Variants in ARID1B observed in about 807,000 individuals in gnomAD.
ARID1B encodes the protein AT-rich interaction domain 1B, also known as AT-rich interactive domain-containing protein 1B.
ARID1B carries 30 observed loss-of-function variants against 212.3 expected under a neutral mutation model. That is an observed-to-expected ratio of 0.14 (90% CI 0.11 to 0.19). ARID1B has a LOEUF of 0.19. Among genes scored for constraint, ARID1B ranks in the 10% least tolerant of loss-of-function variants. ARID1B has a pLI of 1.00. For missense variants in ARID1B, 2,891 were observed against 3,204.0 expected, an observed-to-expected ratio of 0.90 and a Z score of 2.36; for synonymous variants, 1,402 against 1,301.7, an observed-to-expected ratio of 1.08 and a Z score of -1.66.
chr6:157,090,883 C>G (rs1445520650), intron 5 of ARID1B, among the ~76,000 whole-genome samples: 3 of 152,200 alleles, frequency 2.0e-5, no homozygotes, highest in African/African-American at 7.2e-5. Flanking sequence ...CCCTCCCCTT[C>G]TCCCTCTCCA....
intron 5 of ARID1B, among the ~76,000 whole-genome samples, chr6:157,095,478 GT>G (rs1785554275): frequency 6.6e-6 from 1 of 152,212 alleles, no homozygotes; most frequent in African/African-American, 2.4e-5. Flanking sequence ...AAGAAGAAAT[GT>G]TTCTAGAATA....
intron 4 of ARID1B, among the ~76,000 whole-genome samples, chr6:156,986,056 G>A (rs564469153): frequency 5.8e-5 from 8 of 137,760 alleles, no homozygotes; most frequent in Non-Finnish European, 1.1e-4. Flanking sequence ...TCCTTTACTT[G>A]GAAGGCTTTT....
intron 2 of ARID1B, among the ~76,000 whole-genome samples, chr6:156,896,437 G>A (rs1168993267): frequency 2.0e-5 from 3 of 151,614 alleles, no homozygotes; most frequent in South Asian, 2.1e-4. Flanking sequence ...TTAGCTGGTC[G>A]TGGTGGCCCG....
At chr6:157,000,307 C>T (rs137938755) in intron 4 of ARID1B, among the ~76,000 whole-genome samples, 1 of 152,254 alleles carries the variant, frequency 6.6e-6, no homozygotes, top group African/African-American at 2.4e-5. Flanking sequence ...CCAGAAAAAT[C>T]ACTGTGAACC....
intron 4 of ARID1B, among the ~76,000 whole-genome samples, chr6:156,988,795 C>T (rs968438741): frequency 6.6e-6 from 1 of 152,174 alleles, no homozygotes; most frequent in South Asian, 2.1e-4. Context: ...CGTTTTACTG[C>T]CTTCTTCCTA....
At chr6:157,167,517 G>C (rs998173906) in intron 9 of ARID1B, 12 of 184,908 alleles carry the variant, frequency 6.5e-5, no homozygotes, top group Non-Finnish European at 1.1e-4. Context: ...CTCTCCATTT[G>C]GTAGTGGTGG....
rs142352212 is a variant in ARID1B, at chr6:157,086,605, G to A, written c.2491+1700G>A. 6.1e-3 allele frequency among the ~76,000 whole-genome samples: 926 copies of A among 152,338 alleles called. 10 individuals carry two copies. The highest frequency in any genetic ancestry group is 0.021 in the African/African-American group (881 of 41,574). On this transcript the variant is annotated intron_variant, in intron 5 of 19. Coordinates refer to ENST00000636930, the MANE Select transcript of ARID1B (RefSeq NM_001374828.1). ...CTTTTAAATTTTAAATTCCTGACAT[G>A]AGTAGTTAACCATCTGAAGACTTTC...
intron 2 of ARID1B, among the ~76,000 whole-genome samples, chr6:156,884,747 A>T (rs1293027009): frequency 6.6e-6 from 1 of 152,238 alleles, no homozygotes; most frequent in Non-Finnish European, 1.5e-5. Flanking sequence ...GAATGCCCAG[A>T]TACTAGTGTT....
At chr6:156,865,636 CT>C (rs1785632581) in intron 2 of ARID1B, among the ~76,000 whole-genome samples, 1 of 152,148 alleles carries the variant, frequency 6.6e-6, no homozygotes, top group South Asian at 2.1e-4. Flanking sequence ...ACTCTTCTCT[CT>C]TTCTAGAACT....
intron 2 of ARID1B, among the ~76,000 whole-genome samples, chr6:156,847,585 T>G (rs1383248736): frequency 6.6e-6 from 1 of 152,024 alleles, no homozygotes; most frequent in African/African-American, 2.4e-5. Flanking sequence ...AAAGAGAGTT[T>G]TGGAGGTTTC....
intron 4 of ARID1B, among the ~76,000 whole-genome samples, chr6:157,011,534 A>G (rs1453994102): frequency 1.3e-5 from 2 of 152,208 alleles, no homozygotes; most frequent in Non-Finnish European, 2.9e-5. Flanking sequence ...AATGTGATAT[A>G]AATTCATTTT....
intron 1 of ARID1B, among the ~76,000 whole-genome samples, chr6:156,794,523 G>A (rs921665248): frequency 6.6e-6 from 1 of 150,708 alleles, no homozygotes; most frequent in Admixed American, 6.6e-5. Flanking sequence ...GGGAGGCCTG[G>A]GAGTCTGGGC....
intron 1 of ARID1B, among the ~76,000 whole-genome samples, chr6:156,803,699 GAGTGGGTTAGTTGTA>G (rs1289846247): frequency 6.7e-6 from 1 of 148,318 alleles, no homozygotes; most frequent in Non-Finnish European, 1.5e-5. Flanking sequence ...TGCCCACATT[GAGTGGGTTAGTTGTA>G]AGTGTCCCAT....
Position 157,174,888 on chromosome 6 carries a change from A to T in ARID1B, c.3387A>T (p.Pro1129=). ...SSQGISQPPT[P]GNLPVPSPMS... is the part of the protein sequence containing the mutation. ...AGGGTATTTCTCAGCCCCCAACCCCAGGCAACCTGCCAGTCCCTTCCCCAA... is the reference window on the plus strand; with the variant it reads ...AGGGTATTTCTCAGCCCCCAACCCCTGGCAACCTGCCAGTCCCTTCCCCAA... Residue 1129 remains proline (P), a synonymous_variant, in exon 11 of 20, where the codon CCA becomes CCT. Coordinates refer to ENST00000636930, the MANE Select transcript of ARID1B (RefSeq NM_001374828.1). 6.5e-7 allele frequency: 1 copy of T among 1,547,504 alleles called. No homozygotes were observed. Among genetic ancestry groups the T allele is most frequent in the East Asian group, 2.5e-5 (1 of 39,368 alleles).
Position 157,210,436 on chromosome 6 carries a change from C to T in ARID1B, c.*2545C>T, listed in dbSNP as rs1038698664. On this transcript the variant is annotated 3_prime_UTR_variant, in exon 20 of 20. Transcript: ENST00000636930. Reference sequence around the variant, plus strand: ...CTGTTGTTATGGTTTGCATTGTAACCGATACGCAGAGTCTGACCGTTGGGC... The same window carrying T: ...CTGTTGTTATGGTTTGCATTGTAACTGATACGCAGAGTCTGACCGTTGGGC... The T allele has an allele frequency of 2.6e-5, 6 of 230,792 alleles. No homozygotes were observed. The highest frequency in any genetic ancestry group is 1.8e-4 in the South Asian group (1 of 5,502). The allele number at this position is 230,792 out of a possible 1,614,324, so 14.3% of individuals were successfully genotyped here.
chr6:156,903,606 A>G (rs1789125038), intron 3 of ARID1B, among the ~76,000 whole-genome samples: 1 of 152,352 alleles, frequency 6.6e-6, no homozygotes, highest in South Asian at 2.1e-4. Flanking sequence ...GATAACTTGC[A>G]TTATAGATAT....
At position 157,079,180 on chromosome 6, in the gene ARID1B, C is replaced by T. The variant is rs115580502; in HGVS notation, c.2248-5482C>T. Among the ~76,000 whole-genome samples the T allele has an allele frequency of 8.9e-3, 1,348 of 152,240 alleles. 24 individuals are homozygous for T. The highest frequency in any genetic ancestry group is 0.031 in the African/African-American group (1,298 of 41,532). On this transcript the variant is annotated intron_variant, in intron 4 of 19. Coordinates refer to ENST00000636930, the MANE Select transcript of ARID1B (RefSeq NM_001374828.1). The stretch of plus-strand genomic sequence containing the variant: ...TGCTCTTAAGGCCTAACAATTAGTG[C>T]TTGGCAGATTTTTTTTCCAGGGATT...
At chr6:157,137,582 A>T (rs1789025554) in intron 7 of ARID1B, among the ~76,000 whole-genome samples, 1 of 152,228 alleles carries the variant, frequency 6.6e-6, no homozygotes, top group Non-Finnish European at 1.5e-5. Flanking sequence ...TATCACACTG[A>T]CTATCCAGAA....
At chr6:157,020,464 AT>A (rs952961321) in intron 4 of ARID1B, among the ~76,000 whole-genome samples, 89 of 152,052 alleles carry the variant, frequency 5.9e-4, no homozygotes, top group Non-Finnish European at 9.0e-4. Context: ...TATGAAATTA[AT>A]TTTTTTTAAT....
Sources: gnomAD v4.1 joint callset for allele counts (sites outside exome capture counted in the v4.1 genomes callset) on GRCh38, gnomAD v4.1.1 for gene constraint, MANE v1.5 for transcripts, NCBI Gene and HGNC (gene_info 2026-07-23, HGNC 2026-07-21) for gene names.